Variants in DHCR7 observed in about 807,000 individuals in gnomAD.
The protein encoded by DHCR7 is 7-DHC reductase.
Under a neutral mutation model 43.3 loss-of-function variants are expected in DHCR7, and 40 were observed. The observed-to-expected ratio is 0.92, with a 90% confidence interval of 0.72 to 1.20. The LOEUF (loss-of-function observed/expected upper bound fraction) is 1.20, where lower values mean the gene tolerates loss of function less well. DHCR7 is among the 50% of genes most tolerant of loss of function. The pLI, the probability that DHCR7 is intolerant of heterozygous loss-of-function variation, is 0.00. For missense variants in DHCR7, 608 were observed against 644.6 expected, an observed-to-expected ratio of 0.94 and a Z score of 0.62; for synonymous variants, 298 against 271.4, an observed-to-expected ratio of 1.10 and a Z score of -0.96.
chr11:71,435,600 G>T lies in DHCR7; in HGVS notation c.1203C>A (p.Gly401=), dbSNP rs368867929. The T allele has an allele frequency of 1.9e-6, 3 of 1,607,496 alleles. No individual in the cohort carries two copies. Among genetic ancestry groups the T allele is most frequent in the South Asian group, 2.2e-5 (2 of 90,976 alleles). ...CGACGTAGTTGAAGTGGCGGGCCAC[G>T]CCCCAGAAGCCCGACACCAGCAGCT... is the stretch of plus-strand genomic sequence containing the variant. ...HSKLLVSGFW[G]VARHFNYVGD... The change falls in exon 9 of 9, where the codon GGC becomes GGA. Residue 401 remains glycine, a synonymous_variant. Transcript: ENST00000355527.
At chr11:71,443,188 A>C (rs994231703) in intron 4 of DHCR7, among the ~76,000 whole-genome samples, 2 of 152,330 alleles carry the variant, frequency 1.3e-5, no homozygotes, top group African/African-American at 4.8e-5. Context: ...CTGTGGGTCC[A>C]TTCATCTACT....
chr11:71,441,417 T>G lies in DHCR7; in HGVS notation c.436A>C (p.Asn146His). The change falls in exon 6 of 9, where the codon AAT (asparagine) becomes CAT (histidine). Residue 146 changes from asparagine to histidine, a missense_variant. Transcript: ENST00000355527. ...GTGAGGAGCCAGGCTTGCAGGCCAT[T>G]GATCTGATACTTGTTCACAACCCCT... ...PAGVVNKYQI[N>H]GLQAWLLTHL... is the part of the protein sequence containing the mutation. 1.2e-6 allele frequency: 2 copies of G among 1,613,580 alleles called. No homozygotes were observed. Among genetic ancestry groups the G allele is most frequent in the Non-Finnish European group, 1.7e-6 (2 of 1,179,640 alleles).
chr11:71,439,841 C>T (rs1280909752), intron 6 of DHCR7, among the ~76,000 whole-genome samples: 1 of 152,200 alleles, frequency 6.6e-6, no homozygotes, highest in Non-Finnish European at 1.5e-5. Context: ...TTCCAGGAGC[C>T]ATTGAAGGCC....
At chr11:71,431,559 C>A (rs868813567), downstream of DHCR7, among the ~76,000 whole-genome samples, 5 of 152,166 alleles carry the variant, frequency 3.3e-5, no homozygotes, top group African/African-American at 1.2e-4. Context: ...CGTGGAAACC[C>A]CCCTCCTGGC....
intron 8 of DHCR7, among the ~76,000 whole-genome samples, 193 bp downstream of exon 8, chr11:71,437,619 T>C (rs1378295081): frequency 6.6e-6 from 1 of 152,174 alleles, no homozygotes; most frequent in African/African-American, 2.4e-5. Flanking sequence ...TTGCAGATGT[T>C]AGGGACATAC....
Position 71,435,766 on chromosome 11 carries a change from A to C in DHCR7, c.1037T>G (p.Val346Gly). 6.2e-7 allele frequency: 1 copy of C among 1,609,922 alleles called. No homozygotes were observed. The highest frequency in any genetic ancestry group is 8.5e-7 in the Non-Finnish European group (1 of 1,177,372). ...HAVGVLLLGL[V>G]GYYIFRVANH... ...GGCCACCCGGAAGATGTAGTAGCCC[A>C]CCAGGCCCAGCAGCAGGACGCCCAC... Residue 346 changes from valine to glycine, a missense_variant, in exon 9 of 9, where the codon GTG becomes GGG. Physicochemically the swap from Val to Gly is moderately radical, Grantham distance 109. Coordinates refer to ENST00000355527, the MANE Select transcript of DHCR7 (RefSeq NM_001360.3).
At chr11:71,430,068 A>G (rs1042250745), downstream of DHCR7, among the ~76,000 whole-genome samples, 4 of 152,228 alleles carry the variant, frequency 2.6e-5, no homozygotes, top group Non-Finnish European at 5.9e-5. Flanking sequence ...GCAAGAGTGG[A>G]TCTGTGAGCT....
chr11:71,446,690 A>G (rs1038835466), intron 2 of DHCR7, among the ~76,000 whole-genome samples: 1 of 152,230 alleles, frequency 6.6e-6, no homozygotes, highest in Non-Finnish European at 1.5e-5. Context: ...GATGAAAGAC[A>G]TTTTCCTTAT....
intron 8 of DHCR7, among the ~76,000 whole-genome samples, chr11:71,436,924 C>T (rs1187758479): frequency 1.3e-4 from 20 of 152,312 alleles, no homozygotes; most frequent in Non-Finnish European, 1.5e-4. Flanking sequence ...GGACCTATTG[C>T]TACGTTTTCA....
chr11:71,432,262 T>C (rs1949232092), downstream of DHCR7, among the ~76,000 whole-genome samples: 2 of 152,240 alleles, frequency 1.3e-5, no homozygotes, highest in African/African-American at 4.8e-5. Flanking sequence ...CACTGGCTTC[T>C]TGTTGACCTT....
intron 4 of DHCR7, 25 bp from the exon 5 acceptor site, chr11:71,442,378 A>G: frequency 6.3e-7 from 1 of 1,577,528 alleles, no homozygotes; most frequent in Non-Finnish European, 8.7e-7. Context: ...CAGCCTGATC[A>G]CCCCCCGCCT....
downstream of DHCR7, among the ~76,000 whole-genome samples, chr11:71,430,805 CTT>C (rs1369254790): frequency 6.6e-6 from 1 of 152,198 alleles, no homozygotes. Context: ...AGTCTGGAGT[CTT>C]TATAGGTACA....
Position 71,441,250 on chromosome 11 carries a change from G to T in DHCR7, c.603C>A (p.Phe201Leu), listed in dbSNP as rs377727130. ...VSTFAMVKGY[F>L]FPTSARDCKF... ...ACCAGTCTCTGGCGCTGGTGGGGAA[G>T]AAGTAGCCCTTGACCATGGCGAAGG... is the stretch of plus-strand genomic sequence containing the variant. The change falls in exon 6 of 9, where the codon TTC becomes TTA. Residue 201 changes from phenylalanine (F) to leucine (L), a missense_variant. By Grantham distance (22) the Phe-to-Leu change is conservative (BLOSUM62 0). Coordinates refer to ENST00000355527, the MANE Select transcript of DHCR7 (RefSeq NM_001360.3). 13 of 1,614,106 alleles carry T rather than the reference G, an allele frequency of 8.1e-6. No individual in the cohort carries two copies. Among genetic ancestry groups the T allele is most frequent in the South Asian group, 1.1e-5 (1 of 91,094 alleles).
At chr11:71,444,412 C>T (rs1366919611) in intron 3 of DHCR7, among the ~76,000 whole-genome samples, 197 bp from the exon 4 acceptor site, 1 of 152,196 alleles carries the variant, frequency 6.6e-6, no homozygotes, top group Non-Finnish European at 1.5e-5. Context: ...AGTTGATTAA[C>T]TGGTGGCACT....
At chr11:71,441,102 C>G in intron 6 of DHCR7, 125 bp downstream of exon 6, 1 of 887,300 alleles carries the variant, frequency 1.1e-6, no homozygotes, top group East Asian at 2.6e-5. Flanking sequence ...GTTCCATCCC[C>G]CTCCTCCTCT....
chr11:71,440,091 G>A (rs182149123), intron 6 of DHCR7, among the ~76,000 whole-genome samples: 42 of 152,234 alleles, frequency 2.8e-4, no homozygotes, highest in Non-Finnish European at 5.4e-4. Flanking sequence ...GGAGCAGGTG[G>A]ATGGATATAT....
chr11:71,443,574 C>T (rs1431101869), intron 4 of DHCR7, among the ~76,000 whole-genome samples: 7 of 152,178 alleles, frequency 4.6e-5, no homozygotes, highest in South Asian at 2.1e-4. Flanking sequence ...ACATGGCCCT[C>T]GCTTCTCTGA....
intron 8 of DHCR7, among the ~76,000 whole-genome samples, chr11:71,436,322 T>C (rs1162595977): frequency 3.9e-5 from 6 of 152,060 alleles, no homozygotes; most frequent in Admixed American, 3.9e-4. Context: ...GTTGACAGCT[T>C]TAAGAGACAG....
At position 71,445,070 on chromosome 11, in the gene DHCR7, C is replaced by A. The variant is rs1591114348; in HGVS notation, c.-6-112G>T. 2.1e-5 allele frequency: 18 copies of A among 837,714 alleles called. No homozygotes were observed. In the East Asian group the frequency reaches 4.4e-4, roughly 20 times the overall value. The allele number at this position is 837,714 out of a possible 1,614,324, so 51.9% of individuals were successfully genotyped here. On this transcript the variant is annotated intron_variant, in intron 2 of 8. Transcript: ENST00000355527. ...GGCAGGGCTGGCCTCCTGTGCACATCTTCCCGGTACCTTGTTCCTGACAGC... is the reference window on the plus strand; with the variant it reads ...GGCAGGGCTGGCCTCCTGTGCACATATTCCCGGTACCTTGTTCCTGACAGC...
Sources: allele counts gnomAD v4.1 joint callset (sites outside exome capture counted in the v4.1 genomes callset), GRCh38; gene constraint gnomAD v4.1.1; transcripts MANE v1.5; gene names NCBI Gene and HGNC (gene_info 2026-07-23, HGNC 2026-07-21).